Variants in TBC1D4 observed in about 807,000 individuals in gnomAD.
The protein encoded by TBC1D4 is TBC1 domain family member 4, also known as TBC (Tre-2, BUB2, CDC16) domain-containing protein.
TBC1D4 carries 121 observed loss-of-function variants against 142.5 expected under a neutral mutation model. That is an observed-to-expected ratio of 0.85 (90% CI 0.73 to 0.99). The LOEUF is 0.99. Ranked by LOEUF, TBC1D4 falls within the 50% of genes least tolerant of loss-of-function variation. TBC1D4 has a pLI of 0.00. For synonymous variants in TBC1D4, 630 were observed against 628.2 expected (o/e 1.00, Z -0.04); for missense variants, 1,475 against 1,606.6 (o/e 0.92, Z 1.40).
In TBC1D4 at chr13:75,356,258, G is replaced by A. The variant is rs1342427789; in HGVS notation, c.1171-7C>T. On this transcript the variant is annotated splice_region_variant and splice_polypyrimidine_tract_variant and intron_variant, in intron 3 of 20. Transcript: ENST00000377636. The stretch of plus-strand genomic sequence containing the variant: ...GATCCACATGCTTTATACCCTAGAT[G>A]GAGGGGAAGAAGTGCAATAAAAATG... 1 of 1,594,590 alleles carries A rather than the reference G, an allele frequency of 6.3e-7. No individual in the cohort carries two copies. The highest frequency in any genetic ancestry group is 1.1e-5 in the South Asian group (1 of 90,628).
At chr13:75,312,472 C>T (rs1370231986) in intron 13 of TBC1D4, among the ~76,000 whole-genome samples, 1 of 149,688 alleles carries the variant, frequency 6.7e-6, no homozygotes, top group Non-Finnish European at 1.5e-5. Flanking sequence ...AGCTTCTTTC[C>T]TAGCACTATC....
intron 1 of TBC1D4, among the ~76,000 whole-genome samples, chr13:75,422,723 T>C (rs185255863): frequency 6.6e-6 from 1 of 152,312 alleles, no homozygotes; most frequent in Non-Finnish European, 1.5e-5. Flanking sequence ...TGAAACCTTT[T>C]TCCTAGTAAA....
intron 1 of TBC1D4, among the ~76,000 whole-genome samples, chr13:75,384,243 C>T (rs971550745): frequency 1.4e-4 from 21 of 152,102 alleles, no homozygotes; most frequent in African/African-American, 5.1e-4. Flanking sequence ...CAGGGCCAGC[C>T]CGGCCAACAT....
chr13:75,306,554 T>C (rs1215713972), intron 14 of TBC1D4, 83 bp from the exon 15 acceptor site: 15 of 1,534,094 alleles, frequency 9.8e-6, no homozygotes, highest in Non-Finnish European at 1.3e-5. Context: ...TGTAAAACCA[T>C]ACCAAATGAC....
chr13:75,366,952 C>A, intron 1 of TBC1D4: 6 of 985,332 alleles, frequency 6.1e-6, no homozygotes, highest in Non-Finnish European at 7.2e-6. Context: ...GAGGTGGTCA[C>A]GAAGAGCAAT....
At chr13:75,414,219 C>T (rs1885814432) in intron 1 of TBC1D4, among the ~76,000 whole-genome samples, 1 of 152,138 alleles carries the variant, frequency 6.6e-6, no homozygotes, top group African/African-American at 2.4e-5. Flanking sequence ...CTAGATGACA[C>T]CACTAAAACA....
chr13:75,454,651 G>C (rs995453965), intron 1 of TBC1D4, among the ~76,000 whole-genome samples: 1 of 152,148 alleles, frequency 6.6e-6, no homozygotes, highest in East Asian at 1.9e-4. Context: ...TTAAGCAATA[G>C]GCAGCTTCAA....
At chr13:75,423,143 A>G (rs1281882259) in intron 1 of TBC1D4, among the ~76,000 whole-genome samples, 1 of 152,222 alleles carries the variant, frequency 6.6e-6, no homozygotes, top group East Asian at 1.9e-4. Flanking sequence ...CATTAGCCCA[A>G]AGTTATCACA....
At chr13:75,406,882 A>G (rs1028793) in intron 1 of TBC1D4, among the ~76,000 whole-genome samples, 127,830 of 152,050 alleles carry the variant, frequency 0.84, 53,989 homozygotes, top group East Asian at 0.97. Flanking sequence ...GCACCTAAGG[A>G]TTAATTAAGG....
chr13:75,419,084 C>A (rs2138111433), intron 1 of TBC1D4, among the ~76,000 whole-genome samples: 1 of 152,302 alleles, frequency 6.6e-6, no homozygotes, highest in South Asian at 2.1e-4. Flanking sequence ...CAAACACACA[C>A]ACACACACAC....
At chr13:75,392,783 G>A (rs185243492) in intron 1 of TBC1D4, among the ~76,000 whole-genome samples, 5 of 152,128 alleles carry the variant, frequency 3.3e-5, no homozygotes, top group East Asian at 1.9e-4. Context: ...CTACAAGCAT[G>A]CGCCACCACA....
chr13:75,345,583 C>A (rs1881081378), intron 5 of TBC1D4, among the ~76,000 whole-genome samples: 1 of 152,032 alleles, frequency 6.6e-6, no homozygotes, highest in African/African-American at 2.4e-5. Context: ...TATTACTTTT[C>A]TTTTTCTTTA....
At position 75,353,922 on chromosome 13, in the gene TBC1D4, A is replaced by G. The variant is rs1288165017; in HGVS notation, c.1275+2225T>C. ...ACATGGCACACTCCTCACTCCATGC[A>G]GTGAATGGGGACCTCTGAGTTTCAG... On this transcript the variant is annotated intron_variant, in intron 4 of 20. Transcript: ENST00000377636. 1.3e-5 allele frequency among the ~76,000 whole-genome samples: 2 copies of G among 152,182 alleles called. 1 individual carries two copies. Among genetic ancestry groups the G allele is most frequent in the Middle Eastern group, 6.3e-3 (2 of 316 alleles).
intron 12 of TBC1D4, 103 bp downstream of exon 12, chr13:75,319,911 G>A: frequency 8.4e-7 from 1 of 1,185,510 alleles, no homozygotes; most frequent in Non-Finnish European, 1.2e-6. Flanking sequence ...AAGATGGCAT[G>A]CATTCAGGAG....
Position 75,310,023 on chromosome 13 carries a change from C to T in TBC1D4, c.2512G>A (p.Glu838Lys). ...EKIEERKKSK[E>K]LRSLWRKAIH... ...GCTTTTCTCCACAAGCTCCTCAGTT[C>T]TTTTGATTTCTTTCTTTCTTCAATC... Residue 838 changes from glutamate (E) to lysine (K), a missense_variant, in exon 14 of 21, where the codon GAA becomes AAA. Glu to Lys is a moderately conservative substitution (Grantham distance 56, BLOSUM62 1). Transcript: ENST00000377636. 1 of 1,614,104 alleles carries T rather than the reference C, an allele frequency of 6.2e-7. No homozygotes were observed. The highest frequency in any genetic ancestry group is 1.1e-5 in the South Asian group (1 of 91,076).
intron 18 of TBC1D4, among the ~76,000 whole-genome samples, chr13:75,293,997 C>A (rs1875613458): frequency 6.6e-6 from 1 of 152,168 alleles, no homozygotes; most frequent in African/African-American, 2.4e-5. Context: ...TTGCCCATGT[C>A]TACTAAATAG....
chr13:75,386,523 G>A (rs2138279918), intron 1 of TBC1D4, among the ~76,000 whole-genome samples: 1 of 151,574 alleles, frequency 6.6e-6, no homozygotes, highest in South Asian at 2.1e-4. Context: ...TGAGTAGCTG[G>A]GACTACAGGC....
intron 1 of TBC1D4, among the ~76,000 whole-genome samples, chr13:75,439,974 T>C (rs1172401041): frequency 6.6e-6 from 1 of 152,232 alleles, no homozygotes; most frequent in East Asian, 1.9e-4. Flanking sequence ...CAGTACCTTT[T>C]ATGAAAAGAT....
At chr13:75,324,470 A>C (rs773835798) in intron 10 of TBC1D4, 69 bp from the exon 11 acceptor site, 1 of 1,564,746 alleles carries the variant, frequency 6.4e-7, no homozygotes, top group Non-Finnish European at 8.7e-7. Context: ...CACTATGAAA[A>C]AGCATATAAA....
Sources: allele counts gnomAD v4.1 joint callset (sites outside exome capture counted in the v4.1 genomes callset), GRCh38; gene constraint gnomAD v4.1.1; transcripts MANE v1.5; gene names NCBI Gene and HGNC (gene_info 2026-07-23, HGNC 2026-07-21).